TMEM108: variants seen among roughly 807,000 people sequenced by gnomAD.
The protein encoded by TMEM108 is transmembrane protein 108.
TMEM108 carries 12 observed loss-of-function variants against 35.1 expected under a neutral mutation model. The observed-to-expected ratio is 0.34, with a 90% CI of 0.22 to 0.55. The LOEUF is 0.55. Ranked by LOEUF, TMEM108 falls within the 20% of genes least tolerant of loss-of-function variation. TMEM108 has a pLI of 0.89. For missense variants in TMEM108, 680 were observed against 753.3 expected (o/e 0.90, Z 1.14); for synonymous variants, 287 against 308.6 (o/e 0.93, Z 0.73).
At chr3:133,271,098 C>T (rs960734197) in intron 3 of TMEM108, among the ~76,000 whole-genome samples, 1 of 152,186 alleles carries the variant, frequency 6.6e-6, no homozygotes, top group Non-Finnish European at 1.5e-5. Flanking sequence ...AACTCTACCC[C>T]AACATCTGGC....
intron 3 of TMEM108, among the ~76,000 whole-genome samples, chr3:133,264,884 A>G (rs1338834588): frequency 6.6e-6 from 1 of 152,190 alleles, no homozygotes; most frequent in African/African-American, 2.4e-5. Context: ...TTCAAGCAGA[A>G]AGGGATTGCA....
Position 133,391,681 on chromosome 3 carries a change from C to T in TMEM108, c.1605+1347C>T, listed in dbSNP as rs184850106. ...CACTCCAGGTGTGTGCATGGGCTGT[C>T]GCCTCTCCTACAACATCTTCAGGCT... is the stretch of plus-strand genomic sequence containing the variant. On this transcript the variant is annotated intron_variant, in intron 5 of 5. Coordinates refer to ENST00000321871, the MANE Select transcript of TMEM108 (RefSeq NM_023943.4). Among the ~76,000 whole-genome samples the T allele has an allele frequency of 2.6e-4, 40 of 152,282 alleles. No individual in the cohort carries two copies. In the East Asian group the frequency reaches 3.5e-3, roughly 13 times the overall value.
intron 2 of TMEM108, among the ~76,000 whole-genome samples, chr3:133,070,823 A>G (rs1408958435): frequency 6.6e-6 from 1 of 151,910 alleles, no homozygotes; most frequent in Non-Finnish European, 1.5e-5. Context: ...TCGTTAAAAA[A>G]GAATCGCATT....
chr3:133,235,243 A>G (rs1043360811), intron 3 of TMEM108, among the ~76,000 whole-genome samples: 29 of 152,054 alleles, frequency 1.9e-4, no homozygotes, highest in Admixed American at 1.9e-3. Context: ...ACAGAATTGG[A>G]AAAAACTACT....
intron 3 of TMEM108, among the ~76,000 whole-genome samples, chr3:133,236,123 G>T (rs1490067308): frequency 1.3e-5 from 2 of 152,068 alleles, no homozygotes; most frequent in Admixed American, 6.6e-5. Context: ...TTAGAATTAA[G>T]CAGTGATTAT....
intron 2 of TMEM108, among the ~76,000 whole-genome samples, chr3:133,213,108 A>T (rs1233596061): frequency 5.3e-5 from 8 of 152,158 alleles, no homozygotes; most frequent in African/African-American, 1.9e-4. Flanking sequence ...CCTGTTGCTC[A>T]TGGAACAAGA....
chr3:133,227,219 G>C (rs1946085851), intron 2 of TMEM108, among the ~76,000 whole-genome samples: 2 of 112,028 alleles, frequency 1.8e-5, no homozygotes, highest in South Asian at 5.8e-4. Context: ...TTTTGAGACA[G>C]AGTCTCGCTG....
intron 2 of TMEM108, among the ~76,000 whole-genome samples, chr3:133,135,777 CA>C (rs1944556915): frequency 6.6e-6 from 1 of 152,136 alleles, no homozygotes; most frequent in East Asian, 1.9e-4. Flanking sequence ...AAGTGTAGAG[CA>C]CTGGAGGATG....
intron 2 of TMEM108, among the ~76,000 whole-genome samples, chr3:133,048,198 A>G (rs1310277098): frequency 2.0e-5 from 3 of 152,212 alleles, no homozygotes; most frequent in Admixed American, 6.5e-5. Context: ...AAAGTGACTC[A>G]TGTATAATTA....
chr3:133,240,550 G>C (rs1333016092), intron 3 of TMEM108, among the ~76,000 whole-genome samples: 1 of 152,202 alleles, frequency 6.6e-6, no homozygotes, highest in Admixed American at 6.5e-5. Context: ...TCATACTTAG[G>C]AGAGCTGTTG....
chr3:133,309,682 C>CTTTTTTTTTTTTTT (rs148272827), intron 3 of TMEM108, among the ~76,000 whole-genome samples: 6 of 69,196 alleles, frequency 8.7e-5, no homozygotes, highest in Admixed American at 1.7e-4. Context: ...GAGTGAGTTT[C>CTTTTTTTTTTTTTT]TTTTTTTTTT....
At chr3:133,338,227 A>G (rs1559911132) in intron 3 of TMEM108, among the ~76,000 whole-genome samples, 1 of 152,166 alleles carries the variant, frequency 6.6e-6, no homozygotes, top group Admixed American at 6.5e-5. Flanking sequence ...CACCAAGCAG[A>G]TATAACCCAA....
Position 133,375,068 on chromosome 3 carries a change from C to T in TMEM108, c.41-4684C>T, listed in dbSNP as rs144147797. Among the ~76,000 whole-genome samples the T allele has an allele frequency of 6.9e-3, 1,046 of 152,334 alleles. 6 individuals carry two copies. The highest frequency in any genetic ancestry group is 0.065 in the Middle Eastern group (19 of 294). ...TGCAACAGGGAGCTAATAATACTAC[C>T]TGCTTCATGAGGTTGCTGTGAGAAT... On this transcript the variant is annotated intron_variant, in intron 3 of 5. Transcript: ENST00000321871.
At chr3:133,071,875 C>G (rs1943679820) in intron 2 of TMEM108, among the ~76,000 whole-genome samples, 1 of 152,054 alleles carries the variant, frequency 6.6e-6, no homozygotes, top group African/African-American at 2.4e-5. Flanking sequence ...GCTTTTGTTG[C>G]CAGTGCTTCT....
rs1262908160 is a variant in TMEM108, at chr3:133,116,291, G to T, written c.-47+70271G>T. 3.9e-5 allele frequency among the ~76,000 whole-genome samples: 6 copies of T among 152,110 alleles called. No homozygotes were observed. The East Asian group carries it at 9.6e-4, about 24-fold the overall frequency. On this transcript the variant is annotated intron_variant, in intron 2 of 5. Coordinates refer to ENST00000321871, the MANE Select transcript of TMEM108 (RefSeq NM_023943.4). Reference sequence around the variant, plus strand: ...ATTTGATGTTTGCCCTTCAATTTTAGCAGAATTCTTGTTGCTTGGATAGGG... The same window carrying T: ...ATTTGATGTTTGCCCTTCAATTTTATCAGAATTCTTGTTGCTTGGATAGGG...
chr3:133,305,427 A>G (rs981237612), intron 3 of TMEM108, among the ~76,000 whole-genome samples: 2 of 151,606 alleles, frequency 1.3e-5, no homozygotes, highest in Non-Finnish European at 2.9e-5. Flanking sequence ...TGACGAGTTA[A>G]TGGGTGCAGC....
At chr3:133,277,057 C>T (rs757978043) in intron 3 of TMEM108, among the ~76,000 whole-genome samples, 4 of 151,752 alleles carry the variant, frequency 2.6e-5, no homozygotes, top group Non-Finnish European at 5.9e-5. Context: ...GAAACTGTTT[C>T]AGATCAAAGG....
In TMEM108 at chr3:133,075,854, A is replaced by T. The variant is rs1943732740; in HGVS notation, c.-47+29834A>T. Among the ~76,000 whole-genome samples the T allele has an allele frequency of 2.0e-5, 3 of 152,198 alleles. 1 individual carries two copies. Among genetic ancestry groups the T allele is most frequent in the Non-Finnish European group, 4.4e-5 (3 of 68,042 alleles). On this transcript the variant is annotated intron_variant, in intron 2 of 5. Transcript: ENST00000321871. ...GCCAGCAGTGAATCAAATAAGAAGT[A>T]GTAGATAATTTGAAGGGTGAGGACA...
chr3:133,326,322 A>T (rs992573994), intron 3 of TMEM108, among the ~76,000 whole-genome samples: 8 of 152,246 alleles, frequency 5.3e-5, no homozygotes, highest in African/African-American at 1.9e-4. Context: ...AGACTCTCCT[A>T]TTCTGGGTCT....
Sources: allele counts gnomAD v4.1 joint callset (sites outside exome capture counted in the v4.1 genomes callset), GRCh38; gene constraint gnomAD v4.1.1; transcripts MANE v1.5; gene names NCBI Gene and HGNC (gene_info 2026-07-23, HGNC 2026-07-21).